GALNT13: variants seen among roughly 807,000 people sequenced by gnomAD.
The protein encoded by GALNT13 is polypeptide N-acetylgalactosaminyltransferase 13.
In GALNT13, 28 loss-of-function variants were observed where a neutral mutation model predicts 64.2. The observed-to-expected ratio is 0.44, with a 90% CI of 0.32 to 0.60. The LOEUF is 0.60. GALNT13 is among the 20% of genes least tolerant of loss of function. The pLI, the probability that GALNT13 is intolerant of heterozygous loss-of-function variation, is 0.05. For missense variants in GALNT13, 577 were observed against 669.8 expected (o/e 0.86, Z 1.53); for synonymous variants, 214 against 224.6 (o/e 0.95, Z 0.42).
the GALNT13 span, among the ~76,000 whole-genome samples, chr2:153,562,980 G>A: frequency 6.6e-6 from 1 of 151,982 alleles, no homozygotes; most frequent in African/African-American, 2.4e-5. Flanking sequence ...AAAATGTATT[G>A]TATGAATTAT....
chr2:154,061,820 A>G (rs1382367573), intron 3 of GALNT13, among the ~76,000 whole-genome samples: 1 of 152,146 alleles, frequency 6.6e-6, no homozygotes, highest in East Asian at 1.9e-4. Context: ...CTTTCGTCAT[A>G]ATTTTAGCAG....
intron 1 of GALNT13, among the ~76,000 whole-genome samples, chr2:153,872,734 C>T (rs1001131241): frequency 7.2e-5 from 11 of 152,016 alleles, no homozygotes; most frequent in Non-Finnish European, 1.5e-4. Flanking sequence ...CAGGCAGCCC[C>T]GGCTGCGTTG....
At chr2:154,213,215 G>T (rs1298153259) in intron 4 of GALNT13, among the ~76,000 whole-genome samples, 1 of 152,054 alleles carries the variant, frequency 6.6e-6, no homozygotes, top group African/African-American at 2.4e-5. Flanking sequence ...TCAGTGGCTG[G>T]ACTACTGGTG....
At chr2:154,222,356 T>G (rs1235268601) in intron 4 of GALNT13, among the ~76,000 whole-genome samples, 1 of 152,156 alleles carries the variant, frequency 6.6e-6, no homozygotes, top group East Asian at 1.9e-4. Context: ...GAGTACTATT[T>G]TATTTTCATT....
chr2:154,217,634 G>C (rs1185695694), intron 4 of GALNT13, among the ~76,000 whole-genome samples: 1 of 151,942 alleles, frequency 6.6e-6, no homozygotes, highest in East Asian at 1.9e-4. Context: ...TATCAAAAAA[G>C]GAAAAAATCT....
the GALNT13 span, among the ~76,000 whole-genome samples, chr2:153,709,490 G>A: frequency 6.6e-6 from 1 of 151,966 alleles, no homozygotes; most frequent in African/African-American, 2.4e-5. Flanking sequence ...TCAAGTGATA[G>A]CGAGTGTTGG....
intron 4 of GALNT13, among the ~76,000 whole-genome samples, chr2:154,204,491 G>C (rs950483384): frequency 2.6e-5 from 4 of 152,046 alleles, no homozygotes; most frequent in African/African-American, 9.7e-5. Context: ...TGAATTATGA[G>C]AGGACTTTAA....
the GALNT13 span, among the ~76,000 whole-genome samples, chr2:153,599,423 C>T: frequency 6.6e-6 from 1 of 152,016 alleles, no homozygotes; most frequent in Non-Finnish European, 1.5e-5. Context: ...TGGTAAGCAC[C>T]ATTCTGCTGT....
chr2:154,355,814 G>T (rs187359906), intron 9 of GALNT13, among the ~76,000 whole-genome samples: 1 of 151,882 alleles, frequency 6.6e-6, no homozygotes, highest in Admixed American at 6.6e-5. Flanking sequence ...TTCTGAGGTC[G>T]GATTGTTTTT....
At chr2:153,814,465 GTAAATAAATAAATAAATAAA>G in the GALNT13 span, among the ~76,000 whole-genome samples, 285 of 149,016 alleles carry the variant, frequency 1.9e-3, 2 homozygotes, top group East Asian at 0.023. Context: ...AAGTAAGTAA[GTAAATAAATAAATAAATAAA>G]TAAATAAATA....
chr2:153,661,099 A>G, the GALNT13 span, among the ~76,000 whole-genome samples: 559 of 152,260 alleles, frequency 3.7e-3, 2 homozygotes, highest in African/African-American at 0.013. Context: ...TTACAGGTGA[A>G]AGAATTATCT....
At chr2:154,172,998 A>T (rs2105705864) in intron 4 of GALNT13, among the ~76,000 whole-genome samples, 1 of 152,128 alleles carries the variant, frequency 6.6e-6, no homozygotes, top group Non-Finnish European at 1.5e-5. Context: ...ACTACAGAAG[A>T]CCCCAAATAG....
the GALNT13 span, among the ~76,000 whole-genome samples, chr2:153,164,284 C>T: frequency 6.6e-6 from 1 of 151,978 alleles, no homozygotes; most frequent in Non-Finnish European, 1.5e-5. Context: ...GTTTATTCTT[C>T]TAGAAAAAAA....
chr2:153,097,003 A>AT, the GALNT13 span, among the ~76,000 whole-genome samples: 1 of 151,270 alleles, frequency 6.6e-6, no homozygotes, highest in African/African-American at 2.4e-5. Flanking sequence ...GATATGATTT[A>AT]TTTTTTTGCT....
chr2:153,117,135 A>G, the GALNT13 span, among the ~76,000 whole-genome samples: 1 of 152,066 alleles, frequency 6.6e-6, no homozygotes, highest in Non-Finnish European at 1.5e-5. Context: ...AACCAGCCTC[A>G]TTATTTTAAA....
chr2:154,328,471 A>G (rs1694993630), intron 9 of GALNT13, among the ~76,000 whole-genome samples: 1 of 152,052 alleles, frequency 6.6e-6, no homozygotes, highest in Admixed American at 6.6e-5. Context: ...ACTATATGTT[A>G]TTGTAAATGA....
At chr2:154,396,163 T>C in intron 10 of GALNT13, 33 bp downstream of exon 10, 26 of 1,482,830 alleles carry the variant, frequency 1.8e-5, no homozygotes, top group Non-Finnish European at 2.3e-5. Context: ...AAGTTATAAA[T>C]ATATTTTGCA....
chr2:154,227,177 G>C (rs1288122135), intron 4 of GALNT13, among the ~76,000 whole-genome samples: 3 of 152,040 alleles, frequency 2.0e-5, no homozygotes, highest in African/African-American at 7.2e-5. Flanking sequence ...AAAGACACCA[G>C]CTGAAGAAAT....
the GALNT13 span, among the ~76,000 whole-genome samples, chr2:153,254,200 G>A: frequency 1.3e-5 from 2 of 152,022 alleles, no homozygotes; most frequent in Non-Finnish European, 2.9e-5. Context: ...GTCTTGGGAG[G>A]GTGTATGTGT....
Sources: allele counts gnomAD v4.1 joint callset (sites outside exome capture counted in the v4.1 genomes callset), GRCh38; gene constraint gnomAD v4.1.1; transcripts MANE v1.5; gene names NCBI Gene and HGNC (gene_info 2026-07-23, HGNC 2026-07-21).